The following SPATA17 variants were observed in gnomAD, a reference collection of about 807,000 sequenced individuals.
SPATA17 encodes the protein spermatogenesis-associated protein 17.
In SPATA17, 53 loss-of-function variants were observed where a neutral mutation model predicts 62.2. The observed-to-expected ratio is 0.85, with a 90% CI of 0.68 to 1.07. The LOEUF is 1.07. SPATA17 is among the 50% of genes least tolerant of loss of function. The pLI is 0.00. For missense variants in SPATA17, 466 were observed against 425.5 expected (o/e 1.10, Z -0.84); for synonymous variants, 146 against 146.8 (o/e 0.99, Z 0.04).
intron 6 of SPATA17, among the ~76,000 whole-genome samples, chr1:217,764,611 A>G (rs1673253514): frequency 6.6e-6 from 1 of 152,138 alleles, no homozygotes. Flanking sequence ...AGATTATATG[A>G]TAAGAGTACG....
chr1:217,713,679 G>T (rs993150605), intron 5 of SPATA17, among the ~76,000 whole-genome samples: 3 of 152,090 alleles, frequency 2.0e-5, no homozygotes, highest in Non-Finnish European at 4.4e-5. Flanking sequence ...CTAAGAAATC[G>T]ATGCTTGGAT....
chr1:217,795,492 C>G (rs932896403), intron 8 of SPATA17, among the ~76,000 whole-genome samples: 5 of 149,148 alleles, frequency 3.4e-5, no homozygotes, highest in African/African-American at 1.2e-4. Flanking sequence ...GCCTCAGTCT[C>G]CCAAGTAGCT....
chr1:217,799,874 T>G (rs1674261544), intron 8 of SPATA17, among the ~76,000 whole-genome samples: 1 of 152,064 alleles, frequency 6.6e-6, no homozygotes, highest in African/African-American at 2.4e-5. Flanking sequence ...ACTTTTTTTT[T>G]AAGTCTGAAT....
At chr1:217,811,800 A>G (rs1674597853) in intron 9 of SPATA17, among the ~76,000 whole-genome samples, 1 of 152,178 alleles carries the variant, frequency 6.6e-6, no homozygotes, top group African/African-American at 2.4e-5. Context: ...ATTATTAGAA[A>G]TACTTTACAA....
At chr1:217,730,406 A>C (rs1289437486) in intron 5 of SPATA17, among the ~76,000 whole-genome samples, 1 of 151,922 alleles carries the variant, frequency 6.6e-6, no homozygotes, top group Non-Finnish European at 1.5e-5. Flanking sequence ...TAGTAGAGAC[A>C]GGGTTTCACC....
At chr1:217,810,235 A>G (rs893650508) in intron 9 of SPATA17, among the ~76,000 whole-genome samples, 10 of 152,226 alleles carry the variant, frequency 6.6e-5, no homozygotes, top group African/African-American at 2.4e-4. Flanking sequence ...CAGTAAAAAG[A>G]AAAGTAGTAT....
chr1:217,786,177 G>T (rs985631717), intron 8 of SPATA17, among the ~76,000 whole-genome samples: 1 of 152,148 alleles, frequency 6.6e-6, no homozygotes, highest in African/African-American at 2.4e-5. Context: ...CTCTACTCTC[G>T]TGAAACTTAT....
intron 4 of SPATA17, among the ~76,000 whole-genome samples, chr1:217,673,219 A>G (rs1371238710): frequency 6.6e-6 from 1 of 152,130 alleles, no homozygotes; most frequent in African/African-American, 2.4e-5. Flanking sequence ...TCATGAGATT[A>G]AGGATTTTGC....
intron 2 of SPATA17, among the ~76,000 whole-genome samples, chr1:217,650,593 T>C (rs1433400779): frequency 6.6e-6 from 1 of 152,008 alleles, no homozygotes; most frequent in Admixed American, 6.6e-5. Flanking sequence ...CTAATTTTTG[T>C]ATTTTTAGTA....
chr1:217,862,824 A>T lies in SPATA17; in HGVS notation c.1056A>T (p.Lys352Asn). Residue 352 changes from lysine (K) to asparagine (N), a missense_variant, in exon 10 of 11, where the codon AAA (lysine) becomes AAT (asparagine). Coordinates refer to ENST00000366933, the MANE Select transcript of SPATA17 (RefSeq NM_138796.4). ...PSFELFSKYG[K>N]LYSKAGQIV Reference sequence around the variant, plus strand: ...TTGAGCTCTTCTCAAAGTATGGAAAATTATATTCAAAAGCTGGACAGATTG... The same window carrying T: ...TTGAGCTCTTCTCAAAGTATGGAAATTTATATTCAAAAGCTGGACAGATTG... 6.2e-7 allele frequency: 1 copy of T among 1,610,218 alleles called. No individual in the cohort carries two copies. Among genetic ancestry groups the T allele is most frequent in the Non-Finnish European group, 8.5e-7 (1 of 1,177,800 alleles).
intron 1 of SPATA17, among the ~76,000 whole-genome samples, chr1:217,638,648 T>A (rs1669991369): frequency 6.6e-6 from 1 of 152,096 alleles, no homozygotes; most frequent in Admixed American, 6.6e-5. Flanking sequence ...TTTAAGGAAA[T>A]GTTAGTTTGG....
At chr1:217,823,984 T>A (rs780780006) in intron 9 of SPATA17, among the ~76,000 whole-genome samples, 16 of 152,016 alleles carry the variant, frequency 1.1e-4, no homozygotes, top group Non-Finnish European at 2.1e-4. Flanking sequence ...TTTCAGTTTG[T>A]TTCCTTACAG....
intron 9 of SPATA17, among the ~76,000 whole-genome samples, chr1:217,854,797 G>C (rs960997644): frequency 1.3e-5 from 2 of 152,162 alleles, no homozygotes; most frequent in Non-Finnish European, 2.9e-5. Flanking sequence ...GAGTGACAGG[G>C]TTGAGTGAGA....
At chr1:217,725,574 TC>T (rs1393151724) in intron 5 of SPATA17, among the ~76,000 whole-genome samples, 1 of 152,092 alleles carries the variant, frequency 6.6e-6, no homozygotes, top group Admixed American at 6.6e-5. Flanking sequence ...GGAAGTCTGG[TC>T]CCCCAGCCTC....
chr1:217,860,116 TA>T (rs1288204672), intron 9 of SPATA17, among the ~76,000 whole-genome samples: 3 of 152,190 alleles, frequency 2.0e-5, no homozygotes, highest in East Asian at 1.9e-4. Context: ...TTTATTTAGT[TA>T]AAAATATTTT....
At chr1:217,731,170 T>G (rs902875988) in intron 5 of SPATA17, among the ~76,000 whole-genome samples, 4 of 152,164 alleles carry the variant, frequency 2.6e-5, no homozygotes, top group African/African-American at 7.2e-5. Flanking sequence ...CCTTAAATAT[T>G]AGTGTAGTGT....
At chr1:217,666,904 A>G (rs1670708600) in intron 3 of SPATA17, among the ~76,000 whole-genome samples, 1 of 152,160 alleles carries the variant, frequency 6.6e-6, no homozygotes, top group African/African-American at 2.4e-5. Context: ...TTCACTTAAG[A>G]ATGATATGTG....
chr1:217,779,635 C>CT (rs926825282), intron 7 of SPATA17, among the ~76,000 whole-genome samples: 61 of 149,712 alleles, frequency 4.1e-4, no homozygotes, highest in Non-Finnish European at 5.5e-4. Flanking sequence ...TCCCTTCTTC[C>CT]TTTTTTTTTC....
chr1:217,726,005 A>G (rs1672250390), intron 5 of SPATA17, among the ~76,000 whole-genome samples: 1 of 151,846 alleles, frequency 6.6e-6, no homozygotes, highest in Non-Finnish European at 1.5e-5. Context: ...TCATTGTCCA[A>G]GTGATTATTG....
Sources: gnomAD v4.1 joint callset for allele counts (sites outside exome capture counted in the v4.1 genomes callset) on GRCh38, gnomAD v4.1.1 for gene constraint, MANE v1.5 for transcripts, NCBI Gene and HGNC (gene_info 2026-07-23, HGNC 2026-07-21) for gene names.